The following CCND3 variants were observed in gnomAD, a reference collection of about 807,000 sequenced individuals.
The protein encoded by CCND3 is G1/S-specific cyclin-D3.
A neutral mutation model predicts 28.7 loss-of-function variants in CCND3; 9 were observed. The ratio of observed to expected loss-of-function variants is 0.31; its 90% CI spans 0.19 to 0.55. CCND3 has a LOEUF of 0.55. Ranked by LOEUF, CCND3 falls within the 20% of genes least tolerant of loss-of-function variation. CCND3 has a pLI of 0.93. For missense variants in CCND3, 315 were observed against 385.8 expected, an observed-to-expected ratio of 0.82 and a Z score of 1.54; for synonymous variants, 164 against 163.9, an observed-to-expected ratio of 1.00 and a Z score of 0.00.
Position 42,019,333 on chromosome 6 carries a change from C to CA in CCND3, c.-46+29167dup, listed in dbSNP as rs562856266. Among the ~76,000 whole-genome samples, 5 of 151,792 alleles carry CA rather than the reference C, an allele frequency of 3.3e-5. No individual in the cohort carries two copies. In the South Asian group the frequency reaches 1.0e-3, roughly 32 times the overall value. On this transcript the variant is annotated intron_variant, in intron 1 of 4. Transcript: ENST00000372988. ...TGAAACCCTGTCTCTACTAAAAATA[C>CA]AAAAAATTAGCCGGGTGTGGTGGTG...
At chr6:42,022,019 GAAGC>G (rs1763725524) in intron 1 of CCND3, among the ~76,000 whole-genome samples, 1 of 152,200 alleles carries the variant, frequency 6.6e-6, no homozygotes, top group Non-Finnish European at 1.5e-5. Flanking sequence ...TAGCTTAAAG[GAAGC>G]AAGCATCACA....
chr6:42,043,319 T>C (rs1764428068), intron 1 of CCND3, among the ~76,000 whole-genome samples: 2 of 152,200 alleles, frequency 1.3e-5, no homozygotes, highest in African/African-American at 4.8e-5. Context: ...GGATGGATCC[T>C]GAGGTCAGGA....
chr6:41,936,116 A>G lies in CCND3; in HGVS notation c.712-9T>C, dbSNP rs201507759. On this transcript the variant is annotated splice_polypyrimidine_tract_variant and intron_variant, in intron 4 of 4. Coordinates refer to ENST00000372991, the MANE Select transcript of CCND3 (RefSeq NM_001760.5). This position sits in a 1 kb window ranked among gnomAD's most constrained non-coding sequence, Gnocchi z 4.4. Reference sequence around the variant, plus strand: ...CAGGCCCGCAGGCAGTCCTGGGAACATGGGAGAAGAGTGAGGAGCAAACAC... The same window carrying G: ...CAGGCCCGCAGGCAGTCCTGGGAACGTGGGAGAAGAGTGAGGAGCAAACAC... The G allele has an allele frequency of 3.2e-6, 5 of 1,570,182 alleles. No individual in the cohort carries two copies. The highest frequency in any genetic ancestry group is 4.3e-6 in the Non-Finnish European group (5 of 1,157,288).
chr6:41,964,242 A>G (rs1761792399), intron 1 of CCND3, among the ~76,000 whole-genome samples: 2 of 152,150 alleles, frequency 1.3e-5, no homozygotes, highest in Admixed American at 6.6e-5. Flanking sequence ...TTGGAAAGAC[A>G]GAAGCTTCAG....
intron 1 of CCND3, among the ~76,000 whole-genome samples, chr6:41,988,411 C>A (rs902863653): frequency 2.0e-5 from 3 of 152,080 alleles, no homozygotes; most frequent in Non-Finnish European, 2.9e-5. Context: ...AAATAACTAC[C>A]CCATTTTTGA....
At position 41,941,395 on chromosome 6, in the gene CCND3, G is replaced by T; in HGVS notation, c.198+57C>A. ...GGGACCGGGATGTCCCGACAGGGCG[G>T]CCCCGGTGTGTCCAGACCCGGGAGC... On this transcript the variant is annotated intron_variant, in intron 1 of 4. Coordinates refer to ENST00000372991, the MANE Select transcript of CCND3 (RefSeq NM_001760.5). This position sits in a 1 kb window ranked among gnomAD's most constrained non-coding sequence, Gnocchi z 6.1. The T allele has an allele frequency of 6.3e-7, 1 of 1,588,316 alleles. No homozygotes were observed.
intron 1 of CCND3, among the ~76,000 whole-genome samples, chr6:42,036,401 ATATTT>A (rs1323543121): frequency 1.0e-3 from 34 of 33,996 alleles, no homozygotes; most frequent in African/African-American, 3.4e-3. Flanking sequence ...ATATATATAT[ATATTT>A]TTTTTTTTTT....
At chr6:42,023,596 T>C (rs934077111) in intron 1 of CCND3, among the ~76,000 whole-genome samples, 1 of 152,162 alleles carries the variant, frequency 6.6e-6, no homozygotes, top group Admixed American at 6.6e-5. Flanking sequence ...AGAATATAAC[T>C]GGTGAGAATA....
chr6:42,033,454 A>AT (rs1197728934), intron 1 of CCND3, among the ~76,000 whole-genome samples: 14 of 127,840 alleles, frequency 1.1e-4, no homozygotes, highest in African/African-American at 2.1e-4. Flanking sequence ...CATCTAAAAA[A>AT]AAAATATATA....
intron 1 of CCND3, among the ~76,000 whole-genome samples, chr6:41,956,285 CCTT>C (rs1213446087): frequency 1.3e-5 from 2 of 152,004 alleles, no homozygotes; most frequent in African/African-American, 4.8e-5. Context: ...GAGCGAGACT[CCTT>C]CTCAAAAAAA....
chr6:42,049,641 C>G (rs1020845768), upstream of CCND3: 49 of 152,302 alleles, frequency 3.2e-4, no homozygotes, highest in African/African-American at 9.6e-4. Flanking sequence ...CTCCCGCCCC[C>G]TAGACTTGCC....
At chr6:41,947,130 A>C (rs1167126199) in intron 1 of CCND3, among the ~76,000 whole-genome samples, 4 of 152,078 alleles carry the variant, frequency 2.6e-5, no homozygotes, top group Non-Finnish European at 4.4e-5. Context: ...CTGAGGAAGG[A>C]GAATCGCTTG....
In CCND3 at chr6:41,940,738, C is replaced by A. The variant is rs1424241630; in HGVS notation, c.199-153G>T. On this transcript the variant is annotated intron_variant, in intron 1 of 4. Transcript: ENST00000372991. ...CAAGGACCAATAAAGGAGGAGGATG[C>A]GCCCTCCCCAAGGTGACGCCCCCCA... The A allele has an allele frequency of 5.4e-6, 4 of 742,224 alleles. No homozygotes were observed. In the Admixed American group the frequency reaches 6.4e-5, roughly 12 times the overall value. The allele number at this position is 742,224 out of a possible 1,614,324, so 46.0% of individuals were successfully genotyped here.
intron 1 of CCND3, among the ~76,000 whole-genome samples, chr6:42,020,863 C>T (rs1449273971): frequency 3.3e-5 from 5 of 152,162 alleles, no homozygotes; most frequent in South Asian, 2.1e-4. Context: ...GTAATTCTCC[C>T]GACTCAGCCT....
At position 41,936,273 on chromosome 6, in the gene CCND3, G is replaced by A. The variant is rs1775791889; in HGVS notation, c.712-166C>T. 1.3e-6 allele frequency: 1 copy of A among 767,564 alleles called. No individual in the cohort carries two copies. The highest frequency in any genetic ancestry group is 2.0e-6 in the Non-Finnish European group (1 of 491,082). The allele number at this position is 767,564 out of a possible 1,614,324, so 47.5% of individuals were successfully genotyped here. A position where few individuals can be genotyped will look rare whatever the true frequency, so the allele number is the denominator to read the frequency against. On this transcript the variant is annotated intron_variant, in intron 4 of 4. Transcript: ENST00000372991. The surrounding 1 kb of genome is among the most constrained non-coding windows in gnomAD (Gnocchi z 4.4). ...TTCTCAGAAACTAGCAAGAGGATGT[G>A]GCAAGGGAGTGTGAGAGCAGCCCTG...
upstream of CCND3, among the ~76,000 whole-genome samples, chr6:41,945,839 C>T (rs1776153695): frequency 6.6e-6 from 1 of 152,154 alleles, no homozygotes; most frequent in South Asian, 2.1e-4. Context: ...AATGTCTTAC[C>T]TGTGCCTGGC....
intron 1 of CCND3, among the ~76,000 whole-genome samples, chr6:42,031,813 C>CTTTTTTTTTT (rs35518846): frequency 7.8e-6 from 1 of 128,908 alleles, no homozygotes; most frequent in Non-Finnish European, 1.6e-5. Context: ...GCAACTGACT[C>CTTTTTTTTTT]TTTTTTTTTT....
chr6:42,047,712 C>T (rs1316023042), intron 1 of CCND3, among the ~76,000 whole-genome samples: 1 of 152,150 alleles, frequency 6.6e-6, no homozygotes, highest in African/African-American at 2.4e-5. Context: ...GTTTCTGGGT[C>T]GCCCCTATAT....
At chr6:42,006,648 C>T (rs573319558) in intron 1 of CCND3, among the ~76,000 whole-genome samples, 23 of 152,294 alleles carry the variant, frequency 1.5e-4, no homozygotes, top group Non-Finnish European at 2.4e-4. Context: ...GTGGCCCATG[C>T]CTGTAATCCC....
Sources: gnomAD v4.1 joint callset for allele counts (sites outside exome capture counted in the v4.1 genomes callset) on GRCh38, gnomAD v4.1.1 for gene constraint, Gnocchi (gnomAD v3.1) non-coding constraint, MANE v1.5 for transcripts, NCBI Gene and HGNC (gene_info 2026-07-23, HGNC 2026-07-21) for gene names.